The following SERPINB6 variants were observed in gnomAD, a reference collection of about 807,000 sequenced individuals.
The protein encoded by SERPINB6 is serpin B6.
Under a neutral mutation model 26.1 loss-of-function variants are expected in SERPINB6, and 16 were observed. That is an observed-to-expected ratio of 0.61 (90% CI 0.42 to 0.93). The LOEUF is 0.93. Among genes scored for constraint, SERPINB6 ranks in the 40% least tolerant of loss-of-function variants. SERPINB6 has a pLI of 0.00. For missense variants in SERPINB6, 420 were observed against 478.0 expected (o/e 0.88, Z 1.13); for synonymous variants, 174 against 176.6 (o/e 0.99, Z 0.11).
intron 5 of SERPINB6, among the ~76,000 whole-genome samples, chr6:2,951,468 C>T (rs1769807967): frequency 1.3e-5 from 2 of 151,662 alleles, no homozygotes; most frequent in Admixed American, 6.6e-5. Flanking sequence ...GGTGGGCTGG[C>T]TTTGCTGTAG....
intron 5 of SERPINB6, among the ~76,000 whole-genome samples, chr6:2,952,273 A>G (rs1296528224): frequency 2.0e-5 from 3 of 152,242 alleles, no homozygotes; most frequent in Non-Finnish European, 4.4e-5. Flanking sequence ...ATTTCTTGAA[A>G]AACTGAAGGC....
chr6:2,955,209 A>C (rs1770311492), intron 3 of SERPINB6: 2 of 351,520 alleles, frequency 5.7e-6, no homozygotes, highest in Non-Finnish European at 1.0e-5. Context: ...AAAACAAAAA[A>C]AAAAAAGCAA....
At chr6:2,959,902 T>C (rs72842017) in intron 1 of SERPINB6, 2,102 of 176,128 alleles carry the variant, frequency 0.012, 30 homozygotes, top group Non-Finnish European at 0.019. Context: ...CTCCTGACCC[T>C]TGGATCTCCT....
chr6:2,969,727 G>A, intron 1 of SERPINB6: 1 of 984,974 alleles, frequency 1.0e-6, no homozygotes, highest in Non-Finnish European at 1.2e-6. Context: ...ATGGAAACTT[G>A]GACTTCCTGC....
chr6:2,964,597 GA>G (rs1331295885), intron 1 of SERPINB6, among the ~76,000 whole-genome samples: 3 of 152,012 alleles, frequency 2.0e-5, no homozygotes, highest in African/African-American at 2.4e-5. Context: ...ATAATTTATG[GA>G]GGGGGTTGGT....
intron 1 of SERPINB6, chr6:2,963,310 C>A (rs919265925): frequency 6.6e-6 from 1 of 152,216 alleles, no homozygotes; most frequent in South Asian, 2.1e-4. Flanking sequence ...TAGGTCCACA[C>A]TGAAAGACCC....
Position 2,953,175 on chromosome 6 carries a change from C to A in SERPINB6, c.442G>T (p.Glu148Ter). Residue 148 changes from glutamate to a stop codon, truncating the protein, a stop_gained, in exon 5 of 7, where the codon GAG becomes TAG. Coordinates refer to ENST00000380539, the MANE Select transcript of SERPINB6 (RefSeq NM_004568.6). LOFTEE classifies it high-confidence loss of function. ...TCCACTGAGCCCGGAGAGAGCAACT[C>A]CGCAATTTTACCTGAGCGGAAGAAT... The part of the protein sequence containing the change: ...VAEKTEGKIA[E>*]LLSPGSVDPL... 6.2e-7 allele frequency: 1 copy of A among 1,614,238 alleles called. No homozygotes were observed. The highest frequency in any genetic ancestry group is 8.5e-7 in the Non-Finnish European group (1 of 1,180,044).
chr6:2,968,559 C>T, intron 1 of SERPINB6: 2 of 1,192,660 alleles, frequency 1.7e-6, no homozygotes. Flanking sequence ...TCCATTTTGC[C>T]TTCTATACTA....
At chr6:2,966,531 G>T in intron 1 of SERPINB6, 1 of 392,122 alleles carries the variant, frequency 2.6e-6, no homozygotes, top group Non-Finnish European at 3.5e-6. Flanking sequence ...TGGCAGCGTT[G>T]GAGTCTTGTA....
At chr6:2,970,211 G>T (rs1772013141) in intron 1 of SERPINB6, 1 of 985,062 alleles carries the variant, frequency 1.0e-6, no homozygotes, top group African/African-American at 1.8e-5. Flanking sequence ...AAGAATGTTG[G>T]TTCTATTCAT....
At chr6:2,950,516 GAC>G (rs1488637431) in intron 5 of SERPINB6, among the ~76,000 whole-genome samples, 1 of 128,682 alleles carries the variant, frequency 7.8e-6, no homozygotes, top group African/African-American at 3.0e-5. Context: ...CTGGGAGACA[GAC>G]CGAGACTCCA....
intron 1 of SERPINB6, chr6:2,960,757 T>TA (rs1771008989): frequency 6.6e-6 from 1 of 152,384 alleles, no homozygotes; most frequent in South Asian, 2.1e-4. Context: ...CAAAGATACC[T>TA]GGGTCATAAT....
chr6:2,955,793 G>C (rs1327164528), intron 2 of SERPINB6, 123 bp from the exon 3 acceptor site: 1 of 1,115,830 alleles, frequency 9.0e-7, no homozygotes, highest in African/African-American at 1.5e-5. Flanking sequence ...AGATCTATCC[G>C]AGGCTGGGCG....
At chr6:2,958,603 G>A (rs923986140) in intron 2 of SERPINB6, among the ~76,000 whole-genome samples, 5 of 152,224 alleles carry the variant, frequency 3.3e-5, no homozygotes, top group Middle Eastern at 3.4e-3. Context: ...GACGCCCAGC[G>A]CCCCGCTGAG....
chr6:2,951,393 AAT>A (rs371565653), intron 5 of SERPINB6, among the ~76,000 whole-genome samples: 5 of 135,592 alleles, frequency 3.7e-5, no homozygotes, highest in East Asian at 2.4e-4. Flanking sequence ...TCTTGGAAAA[AAT>A]AAAAAATAAA....
rs757787567 is a variant in SERPINB6 at position 2,953,050 on chromosome 6, G to C, written c.567C>G (p.Val189=). ...GTCACGGCCCCTTACTCGCCTTGCTGACTTTAAACAGTCTCTCCTCGGTGT... is the reference window on the plus strand; with the variant it reads ...GTCACGGCCCCTTACTCGCCTTGCTCACTTTAAACAGTCTCTCCTCGGTGT... ...KENTEERLFK[V]SKNEEKPVQM... The change falls in exon 5 of 7, where the codon GTC becomes GTG. Residue 189 remains valine, a synonymous_variant. Transcript: ENST00000380539. 1 of 1,614,064 alleles carries C rather than the reference G, an allele frequency of 6.2e-7. No individual in the cohort carries two copies. The highest frequency in any genetic ancestry group is 1.3e-5 in the African/African-American group (1 of 74,938).
chr6:2,966,341 T>C (rs1329497607), intron 1 of SERPINB6: 4 of 985,084 alleles, frequency 4.1e-6, no homozygotes, highest in Non-Finnish European at 4.8e-6. Flanking sequence ...TTTCTTCTTG[T>C]TCTAATTGGC....
rs1771774211 is a variant in SERPINB6 at position 2,967,919 on chromosome 6, C to G, written c.-11+3614G>C. On this transcript the variant is annotated intron_variant, in intron 1 of 6. Coordinates refer to ENST00000380539, the MANE Select transcript of SERPINB6 (RefSeq NM_004568.6). The surrounding 1 kb of genome is among the most constrained non-coding windows in gnomAD (Gnocchi z 4.3). ...CAGAGCTAAAAACAGAACTACCATTCAACCCAGCAATCCCATTACTGAGTA... is the reference window on the plus strand; with the variant it reads ...CAGAGCTAAAAACAGAACTACCATTGAACCCAGCAATCCCATTACTGAGTA... The G allele has an allele frequency of 6.6e-6, 1 of 152,188 alleles. No individual in the cohort carries two copies. The highest frequency in any genetic ancestry group is 2.4e-5 in the African/African-American group (1 of 41,436). The allele number at this position is 152,188 out of a possible 1,614,324, so 9.4% of individuals were successfully genotyped here. A position where few individuals can be genotyped will look rare whatever the true frequency, so the allele number is the denominator to read the frequency against.
rs1248305408 is a variant in SERPINB6, at chr6:2,955,689, T to C, written c.166-19A>G. 1 of 1,613,910 alleles carries C rather than the reference T, an allele frequency of 6.2e-7. No homozygotes were observed. Among genetic ancestry groups the C allele is most frequent in the East Asian group, 2.2e-5 (1 of 44,880 alleles). On this transcript the variant is annotated intron_variant, in intron 2 of 6. Transcript: ENST00000380539. ...AAAGTATCTGAAATCAAAAACAGAATGAAAACAAATCATTCCTGTATGCTC... is the reference window on the plus strand; with the variant it reads ...AAAGTATCTGAAATCAAAAACAGAACGAAAACAAATCATTCCTGTATGCTC...
Sources: gnomAD v4.1 joint callset for allele counts (sites outside exome capture counted in the v4.1 genomes callset) on GRCh38, gnomAD v4.1.1 for gene constraint, Gnocchi (gnomAD v3.1) non-coding constraint, MANE v1.5 for transcripts, NCBI Gene and HGNC (gene_info 2026-07-23, HGNC 2026-07-21) for gene names.